The following C12orf76 variants were observed in gnomAD, a reference collection of about 807,000 sequenced individuals.
C12orf76 encodes chromosome 12 open reading frame 76, also known as uncharacterized protein C12orf76.
In C12orf76, 6 loss-of-function variants were observed where a neutral mutation model predicts 6.8. The ratio of observed to expected loss-of-function variants is 0.88; its 90% CI spans 0.48 to 1.73. The LOEUF is 1.73. C12orf76 is among the 40% of genes most tolerant of loss of function. The probability of loss-of-function intolerance (pLI) is 0.01; values close to 1 mark genes in which losing one functional copy is unlikely to be tolerated. For missense variants in C12orf76, 99 were observed against 98.2 expected (o/e 1.01, Z -0.03); for synonymous variants, 56 against 43.7 (o/e 1.28, Z -1.11).
chr12:110,072,225 G>A (rs934475267), upstream of C12orf76, among the ~76,000 whole-genome samples: 3 of 150,158 alleles, frequency 2.0e-5, no homozygotes, highest in Admixed American at 6.6e-5. Context: ...GCTGGAGTTT[G>A]AGACCAACCT....
At chr12:110,068,258 AGAAG>A (rs1892905436), upstream of C12orf76, among the ~76,000 whole-genome samples, 1 of 81,954 alleles carries the variant, frequency 1.2e-5, no homozygotes, top group African/African-American at 4.7e-5. Context: ...AAGAAGAAGA[AGAAG>A]AAGAAGAAGA....
chr12:110,063,544 C>T lies in C12orf76; in HGVS notation n.380+2316G>A, dbSNP rs143603085. The stretch of plus-strand genomic sequence containing the variant: ...ACCTCAAGTGATCCACCTGCCTTGG[C>T]CTCCCGAAGTGCTGGGATTACAGGT... On this transcript the variant is annotated intron_variant and non_coding_transcript_variant, in intron 2 of 4. Transcript: ENST00000309050. 8.4e-3 allele frequency among the ~76,000 whole-genome samples: 1,276 copies of T among 151,656 alleles called. 21 individuals are homozygous for T. Among genetic ancestry groups the T allele is most frequent in the African/African-American group, 0.029 (1,210 of 41,440 alleles).
intron 2 of C12orf76, chr12:110,059,256 A>C: frequency 7.3e-7 from 1 of 1,376,664 alleles, no homozygotes; most frequent in Non-Finnish European, 9.7e-7. Flanking sequence ...AGCTCTATCT[A>C]ATAGTTTTCT....
At chr12:110,059,223 C>A (rs184229208) in intron 2 of C12orf76, 15 of 1,494,030 alleles carry the variant, frequency 1.0e-5, no homozygotes, top group East Asian at 5.0e-5. Flanking sequence ...TTGTTCCTTG[C>A]GACTTTACTG....
intron 2 of C12orf76, among the ~76,000 whole-genome samples, chr12:110,065,159 C>CATAT (rs373717603): frequency 1.3e-5 from 2 of 149,444 alleles, no homozygotes; most frequent in East Asian, 1.9e-4. Context: ...TGTATATGTG[C>CATAT]ATATATATAT....
intron 1 of C12orf76, among the ~76,000 whole-genome samples, chr12:110,043,858 A>T (rs1593242092): frequency 2.7e-5 from 1 of 36,512 alleles, no homozygotes; most frequent in South Asian, 5.4e-4. Context: ...CTGTCTCAAA[A>T]AAAAACAAAA....
Position 110,042,120 on chromosome 12 carries a change from C to G in C12orf76, c.*254G>C. 1 of 539,324 alleles carries G rather than the reference C, an allele frequency of 1.9e-6. No individual in the cohort carries two copies. The highest frequency in any genetic ancestry group is 3.3e-6 in the Non-Finnish European group (1 of 298,846). The allele number at this position is 539,324 out of a possible 1,614,324, so 33.4% of individuals were successfully genotyped here. On this transcript the variant is annotated 3_prime_UTR_variant, in exon 2 of 2. Coordinates refer to ENST00000615315, the MANE Select transcript of C12orf76 (RefSeq NM_001389625.1). ...TCCATCTTTACACTGACCTTTGGAG[C>G]TTTCAGGTCTTACTTTTAACAAGTA...
exon 1 of C12orf76, chr12:110,073,564 C>G (rs1346914007): frequency 1.4e-5 from 7 of 502,154 alleles, no homozygotes; most frequent in Non-Finnish European, 2.8e-5. Flanking sequence ...TCCCTTCCTG[C>G]GCGGGGCTGG....
chr12:110,065,114 T>G (rs1892836185), intron 2 of C12orf76, among the ~76,000 whole-genome samples: 1 of 151,858 alleles, frequency 6.6e-6, no homozygotes, highest in African/African-American at 2.4e-5. Flanking sequence ...TTTATTATTA[T>G]TTTTATTATA....
chr12:110,062,729 C>T (rs1464919819), intron 2 of C12orf76, among the ~76,000 whole-genome samples: 3 of 151,152 alleles, frequency 2.0e-5, no homozygotes, highest in African/African-American at 7.3e-5. Context: ...AAGCGATCCT[C>T]CCACCTCAGC....
chr12:110,048,684 T>C (rs1892518185), upstream of C12orf76: 1 of 1,252,824 alleles, frequency 8.0e-7, no homozygotes, highest in African/African-American at 1.6e-5. Context: ...CAATAACTAA[T>C]GTTTCCCCCG....
At chr12:110,053,899 C>T (rs1367437585), upstream of C12orf76, among the ~76,000 whole-genome samples, 1 of 151,944 alleles carries the variant, frequency 6.6e-6, no homozygotes. Flanking sequence ...GCCTGGACAA[C>T]AGGACAAAAC....
chr12:110,042,509 A>G (rs1334236427), intron 1 of C12orf76, 50 bp from the exon 2 acceptor site: 1 of 1,185,468 alleles, frequency 8.4e-7, no homozygotes, highest in Non-Finnish European at 1.3e-6. Context: ...AGGTTAGGCA[A>G]TTCATCCACT....
chr12:110,057,800 A>G (rs1156288693), intron 3 of C12orf76, among the ~76,000 whole-genome samples: 1 of 152,168 alleles, frequency 6.6e-6, no homozygotes, highest in Non-Finnish European at 1.5e-5. Context: ...GCAGTGACTC[A>G]CGCCTGTAAT....
chr12:110,043,318 A>G (rs1593241826), intron 1 of C12orf76, among the ~76,000 whole-genome samples: 1 of 152,126 alleles, frequency 6.6e-6, no homozygotes, highest in South Asian at 2.1e-4. Context: ...TTTAAGTTTA[A>G]AGAGAAGCCA....
At chr12:110,069,357 C>T (rs894904957), upstream of C12orf76, among the ~76,000 whole-genome samples, 9 of 152,220 alleles carry the variant, frequency 5.9e-5, no homozygotes, top group South Asian at 4.1e-4. Context: ...GGAGAATGGC[C>T]GGAACCCGGG....
Position 110,054,526 on chromosome 12 carries a change from T to C in C12orf76, n.664+2663A>G, listed in dbSNP as rs371433610. ...TAAATCCATAGAGACAGAGAGTAGA[T>C]TGGTAGTTGCAGGGGACAGAGGGAG... On this transcript the variant is annotated intron_variant and non_coding_transcript_variant, in intron 4 of 4. Coordinates refer to the C12orf76 transcript ENST00000309050. This position sits in a 1 kb window ranked among gnomAD's most constrained non-coding sequence, Gnocchi z 4.4. 6.6e-6 allele frequency among the ~76,000 whole-genome samples: 1 copy of C among 152,014 alleles called. No homozygotes were observed. The highest frequency in any genetic ancestry group is 6.6e-5 in the Admixed American group (1 of 15,244).
At chr12:110,068,263 AAGAAG>A (rs1407150244), upstream of C12orf76, among the ~76,000 whole-genome samples, 4 of 102,476 alleles carry the variant, frequency 3.9e-5, no homozygotes, top group Admixed American at 9.5e-5. Flanking sequence ...GAAGAAGAAG[AAGAAG>A]AAGAAGAAGA....
upstream of C12orf76, among the ~76,000 whole-genome samples, chr12:110,054,053 C>T (rs1006415885): frequency 1.1e-4 from 17 of 151,048 alleles, no homozygotes; most frequent in Non-Finnish European, 1.9e-4. The surrounding 1 kb of genome is among the most constrained non-coding windows in gnomAD (Gnocchi z 4.4). Flanking sequence ...CCAGCCTGGG[C>T]GACAGAGCAA....
Sources: allele counts gnomAD v4.1 joint callset (sites outside exome capture counted in the v4.1 genomes callset), GRCh38; gene constraint gnomAD v4.1.1; non-coding constraint Gnocchi (gnomAD v3.1); transcripts MANE v1.5; gene names NCBI Gene and HGNC (gene_info 2026-07-23, HGNC 2026-07-21).